The following CALHM4 variants were observed in gnomAD, a reference collection of about 807,000 sequenced individuals.
The protein encoded by CALHM4 is calcium homeostasis modulator protein 4.
A neutral mutation model predicts 13.3 loss-of-function variants in CALHM4; 16 were observed. The observed-to-expected ratio is 1.20, with a 90% confidence interval of 0.81 to 1.82. The LOEUF is 1.82. Ranked by LOEUF, CALHM4 falls within the 40% of genes most tolerant of loss-of-function variation. The probability of loss-of-function intolerance (pLI) is 0.00; values close to 1 mark genes in which losing one functional copy is unlikely to be tolerated. For synonymous variants in CALHM4, 127 were observed against 137.1 expected, an observed-to-expected ratio of 0.93 and a Z score of 0.52; for missense variants, 344 against 374.9, an observed-to-expected ratio of 0.92 and a Z score of 0.68.
At chr6:116,557,479 T>G (rs1774376161) in intron 1 of CALHM4, among the ~76,000 whole-genome samples, 2 of 152,154 alleles carry the variant, frequency 1.3e-5, no homozygotes, top group Non-Finnish European at 2.9e-5. Flanking sequence ...AGTTGAGAAG[T>G]AAGGTTGAAC....
chr6:116,530,850 G>GCAT (rs754085252), intron 1 of CALHM4, among the ~76,000 whole-genome samples: 2 of 138,556 alleles, frequency 1.4e-5, no homozygotes, highest in Non-Finnish European at 3.1e-5. Context: ...ACAAACACCA[G>GCAT]CATCAGTAAC....
chr6:116,543,218 G>T, intron 1 of CALHM4: 1 of 972,592 alleles, frequency 1.0e-6, no homozygotes, highest in South Asian at 1.7e-5. Context: ...GTGAAATGAA[G>T]CAAAGGAAGT....
At position 116,560,652 on chromosome 6, in the gene CALHM4, G is replaced by GT. The variant is rs1290155786; in HGVS notation, c.*2441_*2442insT. On this transcript the variant is annotated 3_prime_UTR_variant, in exon 2 of 2. Coordinates refer to ENST00000368596, the MANE Select transcript of CALHM4 (RefSeq NM_001366078.2). ...AATAAATGGAATTTTTAGTATTTTG[G>GT]GGGGGGGGGGGGCTATGGTCTATAG... Among the ~76,000 whole-genome samples the GT allele has an allele frequency of 1.2e-4, 1 of 8,154 alleles. No homozygotes were observed. Among genetic ancestry groups the GT allele is most frequent in the Non-Finnish European group, 2.4e-4 (1 of 4,216 alleles). 5.3% of individuals were successfully genotyped at this position (8,154 alleles called of 152,430 possible).
Position 116,557,810 on chromosome 6 carries a change from A to T in CALHM4, c.559-15A>T, listed in dbSNP as rs1196485936. Reference sequence around the variant, plus strand: ...ATTGATACTTCCTGTTTTTCTTTTTAATAATGATGTGAAGATGCTGGGTTG... The same window carrying T: ...ATTGATACTTCCTGTTTTTCTTTTTTATAATGATGTGAAGATGCTGGGTTG... On this transcript the variant is annotated splice_polypyrimidine_tract_variant and intron_variant, in intron 1 of 1. Coordinates refer to ENST00000368596, the MANE Select transcript of CALHM4 (RefSeq NM_001366078.2). 1.9e-6 allele frequency: 3 copies of T among 1,597,810 alleles called. No individual in the cohort carries two copies. Among genetic ancestry groups the T allele is most frequent in the Non-Finnish European group, 1.7e-6 (2 of 1,170,422 alleles).
chr6:116,543,895 T>C lies in CALHM4; in HGVS notation c.-1+23T>C, dbSNP rs1204719481. 1.0e-5 allele frequency: 15 copies of C among 1,503,960 alleles called. No individual in the cohort carries two copies. In the East Asian group the frequency reaches 1.7e-4, roughly 17 times the overall value. The allele number at this position is 1,503,960 out of a possible 1,614,324, so 93.2% of individuals were successfully genotyped here. A position where few individuals can be genotyped will look rare whatever the true frequency, so the allele number is the denominator to read the frequency against. ...TTTGTGAGTTTCTTTTCTTTTTACT[T>C]AGAGAAAAAAGGGGAATGTGATATT... On this transcript the variant is annotated intron_variant, in intron 2 of 2. Coordinates refer to the CALHM4 transcript ENST00000368597.
chr6:116,542,247 T>C (rs553284022), intron 1 of CALHM4, among the ~76,000 whole-genome samples: 1 of 152,272 alleles, frequency 6.6e-6, no homozygotes, highest in African/African-American at 2.4e-5. Context: ...AGGTAGACAG[T>C]TGGGCAGTTC....
At chr6:116,550,013 TATATATATATATACAC>T (rs1299863430), upstream of CALHM4, among the ~76,000 whole-genome samples, 3 of 69,564 alleles carry the variant, frequency 4.3e-5, no homozygotes, top group African/African-American at 9.4e-5. Flanking sequence ...TATATATATA[TATATATATATATACAC>T]ACACACACAC....
chr6:116,531,205 G>A (rs1253338431), intron 1 of CALHM4, among the ~76,000 whole-genome samples: 1 of 151,908 alleles, frequency 6.6e-6, no homozygotes, highest in African/African-American at 2.4e-5. Flanking sequence ...CAGGGCTAGT[G>A]ATTGGCTGGA....
intron 1 of CALHM4, among the ~76,000 whole-genome samples, chr6:116,538,870 T>C (rs924001551): frequency 6.6e-6 from 1 of 152,090 alleles, no homozygotes; most frequent in Non-Finnish European, 1.5e-5. Flanking sequence ...TTGTTGGGAC[T>C]ACAGCTGTGC....
chr6:116,544,270 GC>G (rs1773641716), intron 2 of CALHM4, among the ~76,000 whole-genome samples: 1 of 151,768 alleles, frequency 6.6e-6, no homozygotes, highest in African/African-American at 2.4e-5. Flanking sequence ...ACATGCCATG[GC>G]CCCAACATTG....
Position 116,543,391 on chromosome 6 carries a change from G to A in CALHM4, c.-108-374G>A, listed in dbSNP as rs373855578. The stretch of plus-strand genomic sequence containing the variant: ...AGAGCTCCATAGGTAAGGACAAAGA[G>A]ATCTTTATTCTGGAGAAAAAGGGGT... On this transcript the variant is annotated intron_variant, in intron 1 of 2. Coordinates refer to the CALHM4 transcript ENST00000368597. 4.3e-5 allele frequency: 67 copies of A among 1,549,038 alleles called. No homozygotes were observed. The African/African-American group carries it at 8.9e-4, about 21-fold the overall frequency.
At chr6:116,531,047 G>T (rs1421407751) in intron 1 of CALHM4, among the ~76,000 whole-genome samples, 1 of 151,396 alleles carries the variant, frequency 6.6e-6, no homozygotes, top group Non-Finnish European at 1.5e-5. Flanking sequence ...CCTTCCTGAG[G>T]GGCTCCCTAT....
At chr6:116,543,643 T>A (rs1773596714) in intron 1 of CALHM4, 7 of 673,402 alleles carry the variant, frequency 1.0e-5, no homozygotes, top group Non-Finnish European at 1.8e-5. Context: ...TGATAACATC[T>A]TTCTATGCAT....
At chr6:116,537,848 A>G (rs1468777710) in intron 1 of CALHM4, among the ~76,000 whole-genome samples, 2 of 152,114 alleles carry the variant, frequency 1.3e-5, no homozygotes, top group African/African-American at 2.4e-5. Context: ...TTGAGTAAAT[A>G]CCCAGTAAGA....
At chr6:116,533,209 C>G (rs1045127942) in intron 1 of CALHM4, among the ~76,000 whole-genome samples, 1 of 152,110 alleles carries the variant, frequency 6.6e-6, no homozygotes, top group African/African-American at 2.4e-5. Flanking sequence ...CAAATAGAGA[C>G]AGTAGATTTA....
intron 1 of CALHM4, among the ~76,000 whole-genome samples, chr6:116,556,238 C>G (rs771647940): frequency 6.6e-6 from 1 of 152,210 alleles, no homozygotes; most frequent in East Asian, 1.9e-4. Flanking sequence ...TGTGCTTCCT[C>G]GGGTGCTCTG....
Position 116,536,979 on chromosome 6 carries a change from G to T in CALHM4, c.-108-6786G>T, listed in dbSNP as rs201838295. ...TTTTTAACAAAGCTTCAGTGGGCAG[G>T]TCCATAACTAAAGTCTGACCTTTCA... On this transcript the variant is annotated intron_variant, in intron 1 of 2. Coordinates refer to the CALHM4 transcript ENST00000368597. Among the ~76,000 whole-genome samples, 7 of 152,332 alleles carry T rather than the reference G, an allele frequency of 4.6e-5. No individual in the cohort carries two copies. The East Asian group carries it at 1.2e-3, about 25-fold the overall frequency.
Position 116,556,773 on chromosome 6 carries a change from C to T in CALHM4, c.559-1052C>T, listed in dbSNP as rs541198413. Reference sequence around the variant, plus strand: ...GCCATTTGATTCAATCTTTAAAAGCCGACACTAAATAGTCTCAAAAACTAG... The same window carrying T: ...GCCATTTGATTCAATCTTTAAAAGCTGACACTAAATAGTCTCAAAAACTAG... On this transcript the variant is annotated intron_variant, in intron 1 of 1. Coordinates refer to ENST00000368596, the MANE Select transcript of CALHM4 (RefSeq NM_001366078.2). 3.9e-5 allele frequency among the ~76,000 whole-genome samples: 6 copies of T among 152,086 alleles called. No individual in the cohort carries two copies. In the East Asian group the frequency reaches 7.7e-4, roughly 20 times the overall value.
chr6:116,532,978 A>G (rs1772834128), intron 1 of CALHM4, among the ~76,000 whole-genome samples: 1 of 152,252 alleles, frequency 6.6e-6, no homozygotes, highest in Admixed American at 6.5e-5. Context: ...ACATTTCAGA[A>G]CGTCAACTTG....
Sources: allele counts gnomAD v4.1 joint callset (sites outside exome capture counted in the v4.1 genomes callset), GRCh38; gene constraint gnomAD v4.1.1; transcripts MANE v1.5; gene names NCBI Gene and HGNC (gene_info 2026-07-23, HGNC 2026-07-21).